Variants in ERC1 observed in about 807,000 individuals in gnomAD.
The protein encoded by ERC1 is RAB6 interacting protein 2.
In ERC1, 56 loss-of-function variants were observed where a neutral mutation model predicts 132.0. The observed-to-expected ratio is 0.42, with a 90% confidence interval of 0.34 to 0.53. The LOEUF (loss-of-function observed/expected upper bound fraction) is 0.53. ERC1 is among the 20% of genes least tolerant of loss of function. The probability of loss-of-function intolerance (pLI) is 0.03; values close to 1 mark genes in which losing one functional copy is unlikely to be tolerated. For synonymous variants in ERC1, 478 were observed against 476.1 expected, an observed-to-expected ratio of 1.00 and a Z score of -0.05; for missense variants, 1,202 against 1,349.9, an observed-to-expected ratio of 0.89 and a Z score of 1.72.
chr12:1,002,458 A>T (rs905642156), intron 1 of ERC1, among the ~76,000 whole-genome samples: 2 of 151,574 alleles, frequency 1.3e-5, no homozygotes, highest in African/African-American at 2.4e-5. Context: ...AAGTGCTGGG[A>T]CTACAGGTGT....
rs142711389 is a variant in ERC1, at chr12:1,359,411, G to A, written c.2781-12422G>A. On this transcript the variant is annotated intron_variant, in intron 15 of 18. Coordinates refer to ENST00000360905, the MANE Select transcript of ERC1 (RefSeq NM_178040.4). ...GTAATAATAAAGTACCACAGACTGA[G>A]TAATTTATAATGAACAGAAATTTTG... is the stretch of plus-strand genomic sequence containing the variant. 3.7e-3 allele frequency among the ~76,000 whole-genome samples: 556 copies of A among 152,238 alleles called. 2 individuals are homozygous for A. Among genetic ancestry groups the A allele is most frequent in the African/African-American group, 0.013 (523 of 41,544 alleles).
At chr12:1,265,762 C>T (rs1278017197) in intron 14 of ERC1, among the ~76,000 whole-genome samples, 1 of 152,176 alleles carries the variant, frequency 6.6e-6, no homozygotes, top group East Asian at 1.9e-4. Context: ...TTTTTACTGC[C>T]TCTGTAGTTT....
In ERC1 at chr12:1,322,698, A is replaced by G. The variant is rs2082193519; in HGVS notation, c.2780+32686A>G. On this transcript the variant is annotated intron_variant, in intron 15 of 18. Transcript: ENST00000360905. ...CACCTGATAAAATTTTCCAATTCTA[A>G]GCTCTTTATTCTGATTGAAATCTGA... Among the ~76,000 whole-genome samples the G allele has an allele frequency of 2.6e-5, 4 of 152,196 alleles. No individual in the cohort carries two copies. In the South Asian group the frequency reaches 8.3e-4, roughly 32 times the overall value.
intron 2 of ERC1, among the ~76,000 whole-genome samples, chr12:1,074,074 G>T (rs1002960848): frequency 6.6e-6 from 1 of 151,816 alleles, no homozygotes; most frequent in Admixed American, 6.6e-5. Flanking sequence ...ATGATGGCCA[G>T]GATGGTCTTG....
At chr12:1,010,349 C>T (rs943093871) in intron 1 of ERC1, among the ~76,000 whole-genome samples, 7 of 151,332 alleles carry the variant, frequency 4.6e-5, no homozygotes, top group African/African-American at 1.5e-4. Flanking sequence ...GGCGTGGTGG[C>T]GGGTGCCTGT....
chr12:1,488,353 A>T (rs2094272069), intron 18 of ERC1, among the ~76,000 whole-genome samples: 2 of 151,986 alleles, frequency 1.3e-5, no homozygotes. Flanking sequence ...AGAACACCTA[A>T]TATTTGTCAA....
At chr12:1,159,486 C>T (rs748605762) in intron 8 of ERC1, among the ~76,000 whole-genome samples, 13 of 152,144 alleles carry the variant, frequency 8.5e-5, no homozygotes, top group African/African-American at 1.2e-4. Context: ...GGCCACAGAC[C>T]GGCACTGGTC....
chr12:1,320,248 A>G (rs926162747), intron 15 of ERC1, among the ~76,000 whole-genome samples: 9 of 152,228 alleles, frequency 5.9e-5, no homozygotes, highest in Non-Finnish European at 1.3e-4. Flanking sequence ...GGGTCAAAAC[A>G]TAATGGCGTA....
intron 18 of ERC1, among the ~76,000 whole-genome samples, chr12:1,465,941 G>A (rs558786006): frequency 6.6e-6 from 1 of 152,274 alleles, no homozygotes; most frequent in African/African-American, 2.4e-5. Context: ...AGGAAAGATG[G>A]GACCAGGCTA....
chr12:1,081,356 C>T (rs945302714), intron 2 of ERC1, among the ~76,000 whole-genome samples: 3 of 152,148 alleles, frequency 2.0e-5, no homozygotes, highest in African/African-American at 4.8e-5. Flanking sequence ...ATGTTGTTAC[C>T]GTCCCCTGTA....
At chr12:1,312,665 G>GT (rs1019287530) in intron 15 of ERC1, among the ~76,000 whole-genome samples, 13 of 151,878 alleles carry the variant, frequency 8.6e-5, no homozygotes, top group South Asian at 2.1e-4. Flanking sequence ...GGCCAAAGCA[G>GT]TTTTTTTTAC....
intron 12 of ERC1, among the ~76,000 whole-genome samples, chr12:1,225,371 GC>G (rs1430773589): frequency 6.6e-6 from 1 of 151,632 alleles, no homozygotes; most frequent in Non-Finnish European, 1.5e-5. Flanking sequence ...GATCAATTGA[GC>G]CCAGGAGTTC....
chr12:997,902 A>C (rs929753001), intron 1 of ERC1, among the ~76,000 whole-genome samples: 4 of 152,220 alleles, frequency 2.6e-5, no homozygotes, highest in African/African-American at 9.6e-5. Flanking sequence ...AACATTTCCC[A>C]AGGAAGTTGA....
intron 7 of ERC1, among the ~76,000 whole-genome samples, chr12:1,123,259 A>G (rs957514962): frequency 6.6e-6 from 1 of 152,190 alleles, no homozygotes; most frequent in South Asian, 2.1e-4. Flanking sequence ...ATAAGTTTCA[A>G]ACCGTCAGAG....
intron 15 of ERC1, among the ~76,000 whole-genome samples, chr12:1,309,787 C>T (rs576468373): frequency 6.6e-6 from 1 of 150,566 alleles, no homozygotes; most frequent in South Asian, 2.1e-4. Flanking sequence ...GTCACAGACT[C>T]GAGAGACTGA....
At chr12:1,440,391 A>G (rs1380503106) in intron 17 of ERC1, among the ~76,000 whole-genome samples, 1 of 150,196 alleles carries the variant, frequency 6.7e-6, no homozygotes, top group Non-Finnish European at 1.5e-5. Context: ...TATTTTTAGT[A>G]GAGACGGGGT....
chr12:1,231,783 A>G (rs1287263624), intron 12 of ERC1, among the ~76,000 whole-genome samples: 1 of 151,988 alleles, frequency 6.6e-6, no homozygotes, highest in Non-Finnish European at 1.5e-5. Flanking sequence ...TCTGTTGCCC[A>G]GGCAGGAGTG....
At chr12:1,401,838 G>A (rs964092521) in intron 16 of ERC1, among the ~76,000 whole-genome samples, 1 of 151,990 alleles carries the variant, frequency 6.6e-6, no homozygotes. Context: ...AAAACTTAGT[G>A]GCAAGTTAAC....
At chr12:1,261,959 G>A (rs746523247) in intron 13 of ERC1, among the ~76,000 whole-genome samples, 15 of 152,284 alleles carry the variant, frequency 9.9e-5, no homozygotes, top group African/African-American at 3.4e-4. Context: ...AGAAAAATCT[G>A]ACTTAACTTT....
Sources: gnomAD v4.1 joint callset for allele counts (sites outside exome capture counted in the v4.1 genomes callset) on GRCh38, gnomAD v4.1.1 for gene constraint, MANE v1.5 for transcripts, NCBI Gene and HGNC (gene_info 2026-07-23, HGNC 2026-07-21) for gene names.